Variants in ATL3 observed in about 807,000 individuals in gnomAD.
ATL3 encodes atlastin-3.
ATL3 carries 49 observed loss-of-function variants against 69.5 expected under a neutral mutation model. The observed-to-expected ratio is 0.71, with a 90% CI of 0.56 to 0.89. The LOEUF (loss-of-function observed/expected upper bound fraction) is 0.89. Ranked by LOEUF, ATL3 falls within the 40% of genes least tolerant of loss-of-function variation. The pLI is 0.00. For synonymous variants in ATL3, 214 were observed against 224.1 expected, an observed-to-expected ratio of 0.95 and a Z score of 0.40; for missense variants, 606 against 645.7, an observed-to-expected ratio of 0.94 and a Z score of 0.67.
intron 3 of ATL3, among the ~76,000 whole-genome samples, chr11:63,656,081 G>A (rs1052731062): frequency 3.4e-4 from 51 of 151,848 alleles, no homozygotes; most frequent in Non-Finnish European, 1.0e-4. Flanking sequence ...AAACTTAGCC[G>A]GGCGTGGTGG....
At chr11:63,656,140 C>T (rs1237356148) in intron 3 of ATL3, among the ~76,000 whole-genome samples, 4 of 151,474 alleles carry the variant, frequency 2.6e-5, no homozygotes, top group Non-Finnish European at 5.9e-5. Context: ...AGGAGAATGG[C>T]GTGAACCCGG....
chr11:63,651,798 A>G (rs1319521976), intron 5 of ATL3, 138 bp downstream of exon 5: 65 of 1,254,064 alleles, frequency 5.2e-5, no homozygotes, highest in Non-Finnish European at 6.5e-5. Flanking sequence ...ATGGCTATAC[A>G]TAGTATAGAA....
intron 8 of ATL3, among the ~76,000 whole-genome samples, chr11:63,640,594 C>CTTTT (rs1172516886): frequency 5.9e-5 from 5 of 84,346 alleles, no homozygotes; most frequent in African/African-American, 1.1e-4. Flanking sequence ...ACCATAGTAT[C>CTTTT]TTTTTTTTTT....
At chr11:63,639,559 G>T (rs1404203402) in intron 8 of ATL3, among the ~76,000 whole-genome samples, 1 of 152,080 alleles carries the variant, frequency 6.6e-6, no homozygotes, top group African/African-American at 2.4e-5. Context: ...TTCGAGACCA[G>T]CCTGGGCAAC....
chr11:63,670,389 C>A (rs1940733732), intron 1 of ATL3: 2 of 152,312 alleles, frequency 1.3e-5, no homozygotes, highest in Non-Finnish European at 2.9e-5. Context: ...ACTGACAAAA[C>A]GTTCCATTGC....
intron 8 of ATL3, among the ~76,000 whole-genome samples, chr11:63,638,534 G>A (rs1003257351): frequency 4.6e-5 from 7 of 151,986 alleles, no homozygotes; most frequent in African/African-American, 1.2e-4. Context: ...GTGAAACCCC[G>A]TTTCTACTAA....
chr11:63,637,995 T>C (rs61928162), intron 8 of ATL3, among the ~76,000 whole-genome samples: 16,548 of 152,236 alleles, frequency 0.11, 1,052 homozygotes, highest in Middle Eastern at 0.17. Context: ...ATTTTAAACA[T>C]GTGAATGTAT....
chr11:63,625,052 G>C lies in ATL3; in HGVS notation c.*4267C>G, dbSNP rs970524549. The C allele has an allele frequency of 6.6e-6, 1 of 152,032 alleles. No individual in the cohort carries two copies. Among genetic ancestry groups the C allele is most frequent in the Non-Finnish European group, 1.5e-5 (1 of 68,018 alleles). The allele number at this position is 152,032 out of a possible 1,614,324, so 9.4% of individuals were successfully genotyped here. On this transcript the variant is annotated 3_prime_UTR_variant, in exon 13 of 13. Coordinates refer to ENST00000398868, the MANE Select transcript of ATL3 (RefSeq NM_015459.5). ...TGAACTTTTTAAACAAGCCTGCTAG[G>C]TAAGTCTTATGCACTCCAAGGTAGA... is the stretch of plus-strand genomic sequence containing the variant.
At chr11:63,671,058 G>A (rs945976880) in intron 1 of ATL3, among the ~76,000 whole-genome samples, 8 of 152,120 alleles carry the variant, frequency 5.3e-5, no homozygotes, top group Non-Finnish European at 7.4e-5. Flanking sequence ...CCCTGACGGC[G>A]GCCGCCCCCG....
rs991563282 is a variant in ATL3 at position 63,627,714 on chromosome 11, G to C, written c.*1605C>G. The C allele has an allele frequency of 1.1e-4, 17 of 152,000 alleles. No individual in the cohort carries two copies. The highest frequency in any genetic ancestry group is 4.1e-4 in the African/African-American group (17 of 41,366). 9.4% of individuals were successfully genotyped at this position (152,000 alleles called of 1,614,324 possible). ...TTAAAATCCACAATAATTCCAAAAG[G>C]AAAAGCAACTAACAGATAAAACTTT... On this transcript the variant is annotated 3_prime_UTR_variant, in exon 13 of 13. Transcript: ENST00000398868.
rs368639353 is a variant in ATL3, at chr11:63,658,646, T to A, written c.405+115A>T. 9 of 1,207,802 alleles carry A rather than the reference T, an allele frequency of 7.5e-6. No homozygotes were observed. In the African/African-American group the frequency reaches 1.4e-4, roughly 19 times the overall value. 74.8% of individuals were successfully genotyped at this position (1,207,802 alleles called of 1,614,324 possible). On this transcript the variant is annotated intron_variant, in intron 3 of 12. Coordinates refer to ENST00000398868, the MANE Select transcript of ATL3 (RefSeq NM_015459.5). ...ACAGGGACTTTTTAACTTTTCTTAC[T>A]TTACCCATTTTAAATTCTTTGATAA...
intron 10 of ATL3, among the ~76,000 whole-genome samples, chr11:63,634,400 G>A (rs569075558): frequency 1.3e-5 from 2 of 150,522 alleles, no homozygotes; most frequent in Middle Eastern, 3.5e-3. Context: ...CCAGCTACTC[G>A]GGAGGCTGAG....
At position 63,629,189 on chromosome 11, in the gene ATL3, G is replaced by T; in HGVS notation, c.*130C>A. 1 of 676,518 alleles carries T rather than the reference G, an allele frequency of 1.5e-6. No individual in the cohort carries two copies. 41.9% of individuals were successfully genotyped at this position (676,518 alleles called of 1,614,324 possible). On this transcript the variant is annotated 3_prime_UTR_variant, in exon 13 of 13. Transcript: ENST00000398868. ...GGAGAGGTCTGCTCATTTATTACAG[G>T]GCCATGTTTTAGCTCTTCCTGGATC...
intron 3 of ATL3, among the ~76,000 whole-genome samples, chr11:63,654,799 C>A (rs561891167): frequency 1.3e-5 from 2 of 149,430 alleles, no homozygotes; most frequent in East Asian, 1.9e-4. Flanking sequence ...CAGGTTCAAG[C>A]GATTCTCCTG....
intron 1 of ATL3, among the ~76,000 whole-genome samples, chr11:63,670,170 T>G (rs1940727815): frequency 6.6e-6 from 1 of 152,072 alleles, no homozygotes; most frequent in African/African-American, 2.4e-5. Flanking sequence ...CAGCCAAGTG[T>G]TTACAGGTGT....
At chr11:63,647,225 T>G (rs1465127858) in intron 5 of ATL3, among the ~76,000 whole-genome samples, 1 of 152,230 alleles carries the variant, frequency 6.6e-6, no homozygotes, top group Non-Finnish European at 1.5e-5. Context: ...GAGACAGAGT[T>G]GTGCTCTTGT....
At chr11:63,660,334 T>C (rs774436841) in intron 1 of ATL3, among the ~76,000 whole-genome samples, 1 of 152,176 alleles carries the variant, frequency 6.6e-6, no homozygotes, top group Non-Finnish European at 1.5e-5. Flanking sequence ...TCCATATCAT[T>C]ACTTAACAGG....
At chr11:63,638,523 G>C (rs1839712775) in intron 8 of ATL3, among the ~76,000 whole-genome samples, 1 of 152,022 alleles carries the variant, frequency 6.6e-6, no homozygotes, top group Non-Finnish European at 1.5e-5. Context: ...TGGCCAACAT[G>C]GTGAAACCCC....
intron 6 of ATL3, 58 bp downstream of exon 6, chr11:63,646,449 G>T: frequency 1.8e-6 from 2 of 1,106,766 alleles, no homozygotes; most frequent in Non-Finnish European, 2.7e-6. Context: ...GCTGTAGTTT[G>T]CCAATCTGTG....
Sources: gnomAD v4.1 joint callset for allele counts (sites outside exome capture counted in the v4.1 genomes callset) on GRCh38, gnomAD v4.1.1 for gene constraint, MANE v1.5 for transcripts, NCBI Gene and HGNC (gene_info 2026-07-23, HGNC 2026-07-21) for gene names.